Variants in IL1RAPL1 observed in about 807,000 individuals in gnomAD.
IL1RAPL1 encodes interleukin 1 receptor accessory protein like 1.
A neutral mutation model predicts 48.4 loss-of-function variants in IL1RAPL1; 3 were observed. That is an observed-to-expected ratio of 0.06 (90% confidence interval 0.03 to 0.16). The LOEUF is 0.16. IL1RAPL1 is among the 10% of genes least tolerant of loss of function. IL1RAPL1 has a pLI of 1.00. For missense variants in IL1RAPL1, 349 were observed against 530.6 expected, an observed-to-expected ratio of 0.66 and a Z score of 3.36; for synonymous variants, 185 against 187.7, an observed-to-expected ratio of 0.99 and a Z score of 0.12.
At chrX:29,350,191 T>A (rs1274670554) in intron 3 of IL1RAPL1, among the ~76,000 whole-genome samples, 1 of 39,424 alleles carries the variant, frequency 2.5e-5, no homozygotes, top group South Asian at 1.7e-3. Flanking sequence ...TACTGTTATT[T>A]TATATATATA....
At chrX:28,956,311 G>T (rs1358560631) in intron 2 of IL1RAPL1, among the ~76,000 whole-genome samples, 1 of 108,421 alleles carries the variant, frequency 9.2e-6, no homozygotes, top group Admixed American at 9.9e-5. Flanking sequence ...GAATAGGAGT[G>T]GTGAGAGAGG....
At chrX:29,377,248 G>A (rs111631328) in intron 3 of IL1RAPL1, among the ~76,000 whole-genome samples, 2,359 of 112,045 alleles carry the variant, frequency 0.021, 64 homozygotes, top group African/African-American at 0.072. Flanking sequence ...CTGTGGGGGT[G>A]TCATTAGATG....
At chrX:29,314,668 C>A in intron 3 of IL1RAPL1, among the ~76,000 whole-genome samples, 1 of 112,282 alleles carries the variant, frequency 8.9e-6, no homozygotes, top group South Asian at 3.6e-4. Context: ...ATGGGGATAC[C>A]AGTGGCACCT....
chrX:29,022,392 A>G (rs991527037), intron 2 of IL1RAPL1, among the ~76,000 whole-genome samples: 3 of 111,780 alleles, frequency 2.7e-5, no homozygotes, highest in African/African-American at 9.8e-5. Context: ...TATTTGATAG[A>G]AAAGTATATT....
chrX:29,375,284 C>T (rs1299313089), intron 3 of IL1RAPL1, among the ~76,000 whole-genome samples: 1 of 105,242 alleles, frequency 9.5e-6, no homozygotes, highest in Non-Finnish European at 2.0e-5. Flanking sequence ...GCCTTAGCCT[C>T]CTGAGTAGCT....
chrX:28,704,809 C>T (rs1032128743), intron 1 of IL1RAPL1, among the ~76,000 whole-genome samples: 3 of 46,529 alleles, frequency 6.4e-5, no homozygotes, highest in African/African-American at 2.1e-4. Flanking sequence ...CACACACACA[C>T]ACACACACAC....
intron 2 of IL1RAPL1, among the ~76,000 whole-genome samples, chrX:29,211,474 A>G (rs1051482786): frequency 8.9e-6 from 1 of 111,878 alleles, no homozygotes; most frequent in African/African-American, 3.2e-5. Context: ...TGTTGACAAC[A>G]GGGGTGAAAC....
chrX:28,927,139 C>T (rs1304075390), intron 2 of IL1RAPL1, among the ~76,000 whole-genome samples: 2 of 111,467 alleles, frequency 1.8e-5, no homozygotes, highest in Non-Finnish European at 3.8e-5. Context: ...AAGTGATTCT[C>T]CTGCTTCAGC....
chrX:28,772,928 A>G (rs1471331671), intron 1 of IL1RAPL1, among the ~76,000 whole-genome samples: 2 of 111,693 alleles, frequency 1.8e-5, no homozygotes, highest in Non-Finnish European at 3.8e-5. Context: ...TCAACTATCT[A>G]CCTGCTCCTC....
chrX:28,769,422 C>T (rs1182798086), intron 1 of IL1RAPL1, among the ~76,000 whole-genome samples: 1 of 110,712 alleles, frequency 9.0e-6, no homozygotes. Context: ...CCCCAACTCT[C>T]AATGAAGGAA....
intron 9 of IL1RAPL1, among the ~76,000 whole-genome samples, chrX:29,952,725 T>G (rs1333613749): frequency 1.8e-5 from 2 of 112,070 alleles, no homozygotes; most frequent in Non-Finnish European, 3.8e-5. Context: ...TTTTTTAAAA[T>G]GTACAACTAT....
intron 5 of IL1RAPL1, among the ~76,000 whole-genome samples, chrX:29,589,825 A>G (rs183549402): frequency 9.0e-6 from 1 of 111,593 alleles, no homozygotes; most frequent in African/African-American, 3.3e-5. Context: ...TTCTAAAGAA[A>G]AGAGGTTTAA....
intron 3 of IL1RAPL1, among the ~76,000 whole-genome samples, chrX:29,370,732 A>C (rs1031167018): frequency 9.0e-5 from 10 of 110,908 alleles, no homozygotes; most frequent in African/African-American, 3.3e-4. Flanking sequence ...TTAGGTCAAA[A>C]TAAATATTCA....
intron 5 of IL1RAPL1, among the ~76,000 whole-genome samples, chrX:29,586,905 C>T (rs1004885210): frequency 3.5e-4 from 39 of 111,044 alleles, no homozygotes; most frequent in Non-Finnish European, 1.1e-4. Context: ...TTACCAAATT[C>T]GTGTTGTAGC....
chrX:29,122,161 T>C (rs780823347), intron 2 of IL1RAPL1, among the ~76,000 whole-genome samples: 1 of 111,352 alleles, frequency 9.0e-6, no homozygotes, highest in African/African-American at 3.3e-5. Context: ...AGGCCATCAC[T>C]ATTTAAACTC....
intron 2 of IL1RAPL1, among the ~76,000 whole-genome samples, chrX:29,081,230 AT>A (rs147075045): frequency 0.23 from 24,041 of 103,369 alleles, 2,858 homozygotes; most frequent in African/African-American, 0.43. Context: ...ATTTTTGCGT[AT>A]TTTTAGTAGA....
intron 6 of IL1RAPL1, among the ~76,000 whole-genome samples, chrX:29,834,583 A>C (rs1480064597): frequency 1.0e-5 from 1 of 99,118 alleles, no homozygotes; most frequent in Non-Finnish European, 2.0e-5. Context: ...TTTTGGTTCT[A>C]CTTGAGACCA....
chrX:29,347,669 T>G (rs891817705), intron 3 of IL1RAPL1, among the ~76,000 whole-genome samples: 2 of 111,438 alleles, frequency 1.8e-5, no homozygotes, highest in African/African-American at 6.5e-5. Context: ...GGATTACAGA[T>G]GTGAGCTACC....
chrX:29,773,434 C>T (rs767540331), intron 6 of IL1RAPL1, among the ~76,000 whole-genome samples: 9 of 112,151 alleles, frequency 8.0e-5, no homozygotes, highest in Admixed American at 1.9e-4. Context: ...TGTCACTGTG[C>T]GGTAGCTTTA....
Sources: gnomAD v4.1 joint callset for allele counts (sites outside exome capture counted in the v4.1 genomes callset) on GRCh38, gnomAD v4.1.1 for gene constraint, MANE v1.5 for transcripts, NCBI Gene and HGNC (gene_info 2026-07-23, HGNC 2026-07-21) for gene names.